FAM13A: variants seen among roughly 807,000 people sequenced by gnomAD.
FAM13A encodes protein FAM13A.
Under a neutral mutation model 129.6 loss-of-function variants are expected in FAM13A, and 76 were observed. The ratio of observed to expected loss-of-function variants is 0.59; its 90% confidence interval spans 0.49 to 0.71. The LOEUF (loss-of-function observed/expected upper bound fraction) is 0.71. Among genes scored for constraint, FAM13A ranks in the 30% least tolerant of loss-of-function variants. FAM13A has a pLI of 0.00. For missense variants in FAM13A, 1,108 were observed against 1,249.3 expected (o/e 0.89, Z 1.70); for synonymous variants, 443 against 449.9 (o/e 0.98, Z 0.20).
chr4:88,888,701 G>A (rs1260248090), intron 6 of FAM13A, among the ~76,000 whole-genome samples: 1 of 151,698 alleles, frequency 6.6e-6, no homozygotes, highest in Non-Finnish European at 1.5e-5. Context: ...CGAGGCGGGC[G>A]GATCAACGGG....
At chr4:88,972,346 G>T (rs1055782007) in intron 4 of FAM13A, among the ~76,000 whole-genome samples, 2 of 145,972 alleles carry the variant, frequency 1.4e-5, no homozygotes, top group Admixed American at 1.4e-4. Context: ...CTGTTGCTCA[G>T]GCTGGATTGC....
chr4:88,920,357 C>G (rs1750848240), intron 5 of FAM13A, among the ~76,000 whole-genome samples: 1 of 152,158 alleles, frequency 6.6e-6, no homozygotes, highest in South Asian at 2.1e-4. Context: ...ACAAAACTTT[C>G]AGAGGAACGA....
intron 19 of FAM13A, among the ~76,000 whole-genome samples, chr4:88,743,554 T>C (rs1416225756): frequency 6.6e-6 from 1 of 152,142 alleles, no homozygotes; most frequent in East Asian, 1.9e-4. Context: ...AGATCCCAGG[T>C]TTATGAACTT....
At chr4:88,750,042 T>C in intron 15 of FAM13A, 133 bp from the exon 16 acceptor site, 1 of 812,722 alleles carries the variant, frequency 1.2e-6, no homozygotes, top group East Asian at 2.6e-5. Flanking sequence ...ACAGCCTCTC[T>C]CCTCTTGAAT....
chr4:88,837,003 T>A (rs947566095), intron 7 of FAM13A, among the ~76,000 whole-genome samples: 2 of 152,044 alleles, frequency 1.3e-5, no homozygotes, highest in African/African-American at 2.4e-5. Context: ...ATTTTTATTT[T>A]ACTTTTTTGA....
chr4:89,016,791 C>T (rs528431314), intron 3 of FAM13A, among the ~76,000 whole-genome samples: 102 of 152,142 alleles, frequency 6.7e-4, no homozygotes, highest in South Asian at 2.3e-3. Context: ...CATGCCTCCA[C>T]GCCCTGCTAA....
intron 2 of FAM13A, among the ~76,000 whole-genome samples, chr4:89,025,242 A>ATTTTTTTT (rs1560851172): frequency 4.9e-4 from 27 of 55,462 alleles, no homozygotes; most frequent in Non-Finnish European, 7.6e-4. Flanking sequence ...CCATGGAATC[A>ATTTTTTTT]TTGTTTTTTT....
Position 88,835,158 on chromosome 4 carries a change from T to C in FAM13A, c.1007+15862A>G, listed in dbSNP as rs571501095. ...CTCCTCTACAGACACATACATGGACTGGGGGCCCAGCTGAATGAACCACTT... is the reference window on the plus strand; with the variant it reads ...CTCCTCTACAGACACATACATGGACCGGGGGCCCAGCTGAATGAACCACTT... On this transcript the variant is annotated intron_variant, in intron 7 of 23. Coordinates refer to ENST00000264344, the MANE Select transcript of FAM13A (RefSeq NM_014883.4). Among the ~76,000 whole-genome samples the C allele has an allele frequency of 3.9e-5, 6 of 152,348 alleles. No individual in the cohort carries two copies. The East Asian group carries it at 1.2e-3, about 29-fold the overall frequency.
intron 13 of FAM13A, among the ~76,000 whole-genome samples, chr4:88,764,019 A>T (rs995869819): frequency 6.6e-6 from 1 of 152,234 alleles, no homozygotes; most frequent in African/African-American, 2.4e-5. Context: ...ACAGTCATCC[A>T]TTCTATAAAT....
intron 4 of FAM13A, among the ~76,000 whole-genome samples, chr4:88,945,982 GTGTGTGTGTATATATATA>G (rs1253698294): frequency 1.2e-4 from 3 of 24,828 alleles, no homozygotes; most frequent in African/African-American, 7.2e-4. Flanking sequence ...GTGTGTGTGT[GTGTGTGTGTATATATATA>G]TATATATATA....
At chr4:88,953,697 G>A (rs1450415196) in intron 4 of FAM13A, among the ~76,000 whole-genome samples, 1 of 151,958 alleles carries the variant, frequency 6.6e-6, no homozygotes, top group African/African-American at 2.4e-5. Context: ...ATGATTTTAG[G>A]TACCTCATAT....
In FAM13A at chr4:88,748,987, G is replaced by A. The variant is rs777010755; in HGVS notation, c.2126C>T (p.Thr709Ile). ...TCTCCGGAATTTGGCAAGGTCATTTGTCCATTTCAGAACCTCCGGATTGGC... is the reference window on the plus strand; with the variant it reads ...TCTCCGGAATTTGGCAAGGTCATTTATCCATTTCAGAACCTCCGGATTGGC... ...KAANPEVLKW[T>I]NDLAKFRRQL... Residue 709 changes from threonine to isoleucine, a missense_variant, in exon 17 of 24, where the codon ACA becomes ATA. Thr to Ile is a moderately conservative substitution (Grantham distance 89). Around this residue, in one of 3 missense-constraint regions of FAM13A, gnomAD observed 529 missense variants for 621.2 expected, o/e 0.85. Transcript: ENST00000264344. 12 of 1,614,038 alleles carry A rather than the reference G, an allele frequency of 7.4e-6. No individual in the cohort carries two copies. The highest frequency in any genetic ancestry group is 1.0e-5 in the Non-Finnish European group (12 of 1,179,874).
intron 4 of FAM13A, among the ~76,000 whole-genome samples, chr4:88,963,381 T>A (rs916945505): frequency 6.6e-6 from 1 of 150,904 alleles, no homozygotes; most frequent in African/African-American, 2.4e-5. Context: ...CACTGCAACC[T>A]CCATCTCCCA....
chr4:88,805,487 T>A (rs967509046), intron 7 of FAM13A, among the ~76,000 whole-genome samples: 2 of 152,178 alleles, frequency 1.3e-5, no homozygotes, highest in African/African-American at 4.8e-5. Context: ...TCAGGAATGA[T>A]TCCCTAGCAA....
intron 21 of FAM13A, among the ~76,000 whole-genome samples, chr4:88,732,978 G>C (rs1738176119): frequency 6.6e-6 from 1 of 152,100 alleles, no homozygotes; most frequent in Non-Finnish European, 1.5e-5. Context: ...ATCAGAGTGT[G>C]AAAGATTTCA....
At chr4:88,760,747 G>A (rs1744658327) in intron 13 of FAM13A, among the ~76,000 whole-genome samples, 1 of 151,524 alleles carries the variant, frequency 6.6e-6, no homozygotes, top group African/African-American at 2.4e-5. Context: ...TTAAGCTAAA[G>A]CCTAAGTGGA....
intron 6 of FAM13A, among the ~76,000 whole-genome samples, chr4:88,882,267 G>A (rs564168525): frequency 2.0e-5 from 3 of 152,284 alleles, no homozygotes; most frequent in South Asian, 4.1e-4. Context: ...AAACCTATCA[G>A]ATTAACTGCA....
intron 14 of FAM13A, among the ~76,000 whole-genome samples, chr4:88,757,274 C>T (rs1299308166): frequency 6.6e-6 from 1 of 152,082 alleles, no homozygotes; most frequent in East Asian, 1.9e-4. Context: ...GAGTCCATTT[C>T]AGGAGAAAGA....
chr4:88,741,681 AC>A (rs1340313986), intron 19 of FAM13A, among the ~76,000 whole-genome samples: 1 of 152,182 alleles, frequency 6.6e-6, no homozygotes, highest in African/African-American at 2.4e-5. Flanking sequence ...AAAATCTGAA[AC>A]TTTTTGAGTA....
Sources: allele counts gnomAD v4.1 joint callset (sites outside exome capture counted in the v4.1 genomes callset), GRCh38; gene constraint gnomAD v4.1.1; regional missense constraint gnomAD v4.1.1; transcripts MANE v1.5; gene names NCBI Gene and HGNC (gene_info 2026-07-23, HGNC 2026-07-21).